The following BAZ1A variants were observed in gnomAD, a reference collection of about 807,000 sequenced individuals.
The protein encoded by BAZ1A is bromodomain adjacent to zinc finger domain 1A, also known as bromodomain adjacent to zinc finger domain protein 1A.
Under a neutral mutation model 185.2 loss-of-function variants are expected in BAZ1A, and 50 were observed. That is an observed-to-expected ratio of 0.27 (90% CI 0.22 to 0.34). The LOEUF is 0.34. Ranked by LOEUF, BAZ1A falls within the 10% of genes least tolerant of loss-of-function variation. The probability of loss-of-function intolerance (pLI) is 1.00; values close to 1 mark genes in which losing one functional copy is unlikely to be tolerated. For missense variants in BAZ1A, 1,356 were observed against 1,839.9 expected (o/e 0.74, Z 4.81); for synonymous variants, 571 against 615.6 (o/e 0.93, Z 1.07).
At chr14:34,813,695 T>C (rs556656289) in intron 4 of BAZ1A, among the ~76,000 whole-genome samples, 81 of 149,140 alleles carry the variant, frequency 5.4e-4, no homozygotes, top group African/African-American at 1.8e-3. Flanking sequence ...AAAATAATAA[T>C]AACAATATGA....
At chr14:34,763,962 A>C (rs1193488842) in intron 23 of BAZ1A, among the ~76,000 whole-genome samples, 1 of 152,176 alleles carries the variant, frequency 6.6e-6, no homozygotes, top group Non-Finnish European at 1.5e-5. Flanking sequence ...AAAATTCTAA[A>C]TATCCCTTTA....
intron 6 of BAZ1A, among the ~76,000 whole-genome samples, chr14:34,805,874 T>G (rs1881828049): frequency 1.3e-5 from 2 of 151,268 alleles, no homozygotes; most frequent in South Asian, 4.1e-4. Flanking sequence ...CCTTGAAATC[T>G]ACACATGACT....
chr14:34,813,234 AC>A (rs1327695845), intron 4 of BAZ1A, among the ~76,000 whole-genome samples: 25 of 152,074 alleles, frequency 1.6e-4, no homozygotes, highest in African/African-American at 5.1e-4. Context: ...ACACACACAC[AC>A]ACAAAACCTA....
chr14:34,848,896 G>A (rs2042556029), intron 3 of BAZ1A, among the ~76,000 whole-genome samples: 1 of 152,180 alleles, frequency 6.6e-6, no homozygotes, highest in Non-Finnish European at 1.5e-5. Flanking sequence ...TTCAAAGAGA[G>A]AACTCACACC....
At chr14:34,789,285 C>T (rs1435042160) in intron 12 of BAZ1A, among the ~76,000 whole-genome samples, 1 of 152,112 alleles carries the variant, frequency 6.6e-6, no homozygotes, top group African/African-American at 2.4e-5. Context: ...GTTATAATTT[C>T]CTAAGACAAA....
chr14:34,790,727 AC>A (rs1880788843), intron 12 of BAZ1A, among the ~76,000 whole-genome samples: 1 of 152,106 alleles, frequency 6.6e-6, no homozygotes, highest in Admixed American at 6.6e-5. Flanking sequence ...GAGCATTAAA[AC>A]TTTTATTTAG....
intron 2 of BAZ1A, among the ~76,000 whole-genome samples, chr14:34,865,131 C>G (rs1305042489): frequency 6.6e-6 from 1 of 152,028 alleles, no homozygotes; most frequent in South Asian, 2.1e-4. Flanking sequence ...GCCTGTAATT[C>G]GAGCTACTCC....
intron 5 of BAZ1A, 50 bp downstream of exon 5, chr14:34,810,885 T>A: frequency 7.6e-7 from 1 of 1,309,976 alleles, no homozygotes; most frequent in South Asian, 1.2e-5. Flanking sequence ...TAATCTAACA[T>A]ACATAATTAT....
At chr14:34,766,649 C>G (rs922722507) in intron 21 of BAZ1A, among the ~76,000 whole-genome samples, 1 of 152,190 alleles carries the variant, frequency 6.6e-6, no homozygotes, top group African/African-American at 2.4e-5. Flanking sequence ...CCCTGAGGAT[C>G]AAGCAAAGCC....
chr14:34,765,171 T>G lies in BAZ1A; in HGVS notation c.3399A>C (p.Leu1133=). 1 of 1,614,060 alleles carries G rather than the reference T, an allele frequency of 6.2e-7. No individual in the cohort carries two copies. Among genetic ancestry groups the G allele is most frequent in the Non-Finnish European group, 8.5e-7 (1 of 1,180,006 alleles). Reference sequence around the variant, plus strand: ...ATATCACGCTACGATCCAAGGTGGATAGGTGAAGAAAAACTTGGGATAGAC... The same window carrying G: ...ATATCACGCTACGATCCAAGGTGGAGAGGTGAAGAAAAACTTGGGATAGAC... ...SASLSQVFLH[L]STLDRSVIWS... Residue 1133 remains leucine (L), a synonymous_variant, in exon 22 of 27, where the codon CTA becomes CTC. Coordinates refer to ENST00000360310, the MANE Select transcript of BAZ1A (RefSeq NM_013448.3).
intron 9 of BAZ1A, among the ~76,000 whole-genome samples, chr14:34,798,548 C>G (rs1247209104): frequency 1.3e-5 from 2 of 152,192 alleles, no homozygotes; most frequent in Non-Finnish European, 2.9e-5. Context: ...TGGTGATACC[C>G]AGGCAACCTC....
chr14:34,779,775 A>G (rs2138597430), intron 17 of BAZ1A, among the ~76,000 whole-genome samples: 1 of 152,334 alleles, frequency 6.6e-6, no homozygotes, highest in East Asian at 1.9e-4. Context: ...ATTGATCTTT[A>G]TATCTCTAGC....
Position 34,774,504 on chromosome 14 carries a change from C to G in BAZ1A, c.2834-14G>C. ...GCTGAGGTTTGTCTGAAATAGTAAT[C>G]AAATACTTTTATTATGATTTTCTTA... On this transcript the variant is annotated splice_polypyrimidine_tract_variant and intron_variant, in intron 18 of 26. Coordinates refer to ENST00000360310, the MANE Select transcript of BAZ1A (RefSeq NM_013448.3). 4 of 1,531,634 alleles carry G rather than the reference C, an allele frequency of 2.6e-6. No individual in the cohort carries two copies. Among genetic ancestry groups the G allele is most frequent in the Non-Finnish European group, 3.5e-6 (4 of 1,140,294 alleles). 94.9% of individuals were successfully genotyped at this position (1,531,634 alleles called of 1,614,324 possible). A position where few individuals can be genotyped will look rare whatever the true frequency, so the allele number is the denominator to read the frequency against.
chr14:34,797,453 G>T (rs2138646149), intron 9 of BAZ1A, among the ~76,000 whole-genome samples: 1 of 152,142 alleles, frequency 6.6e-6, no homozygotes, highest in East Asian at 1.9e-4. Context: ...CAGCCACTCG[G>T]GAGGCTGAGG....
At chr14:34,804,775 C>T (rs771054446) in intron 6 of BAZ1A, among the ~76,000 whole-genome samples, 2 of 152,182 alleles carry the variant, frequency 1.3e-5, no homozygotes, top group African/African-American at 2.4e-5. Context: ...GGCCAAAATA[C>T]GTTTTAGTAC....
At chr14:34,760,135 T>A (rs180745750) in intron 24 of BAZ1A, among the ~76,000 whole-genome samples, 158 of 152,342 alleles carry the variant, frequency 1.0e-3, no homozygotes, top group African/African-American at 3.7e-3. Context: ...CTCCTTGCAG[T>A]GTAGGTCCAC....
At chr14:34,844,533 T>C (rs2042471645) in intron 3 of BAZ1A, among the ~76,000 whole-genome samples, 1 of 151,982 alleles carries the variant, frequency 6.6e-6, no homozygotes. Context: ...TCCCAGCACT[T>C]TGGGAGGCTG....
At chr14:34,861,150 A>T (rs1183070223) in intron 3 of BAZ1A, among the ~76,000 whole-genome samples, 2 of 152,132 alleles carry the variant, frequency 1.3e-5, no homozygotes, top group African/African-American at 2.4e-5. Flanking sequence ...GAAAAAAAAA[A>T]TTTGTATTCA....
At chr14:34,758,019 T>C (rs908150497) in intron 25 of BAZ1A, among the ~76,000 whole-genome samples, 2 of 150,614 alleles carry the variant, frequency 1.3e-5, no homozygotes, top group Non-Finnish European at 3.0e-5. Context: ...AGTGCTGGGA[T>C]TACAGGTGTG....
Sources: allele counts gnomAD v4.1 joint callset (sites outside exome capture counted in the v4.1 genomes callset), GRCh38; gene constraint gnomAD v4.1.1; transcripts MANE v1.5; gene names NCBI Gene and HGNC (gene_info 2026-07-23, HGNC 2026-07-21).